The following MYH2 variants were observed in gnomAD, a reference collection of about 807,000 sequenced individuals.
The protein encoded by MYH2 is myosin-2.
In MYH2, 139 loss-of-function variants were observed where a neutral mutation model predicts 228.1. The ratio of observed to expected loss-of-function variants is 0.61; its 90% CI spans 0.53 to 0.70. MYH2 has a LOEUF of 0.70. Ranked by LOEUF, MYH2 falls within the 30% of genes least tolerant of loss-of-function variation. MYH2 has a pLI of 0.00. For missense variants in MYH2, 1,809 were observed against 2,357.5 expected, an observed-to-expected ratio of 0.77 and a Z score of 4.82; for synonymous variants, 796 against 871.1, an observed-to-expected ratio of 0.91 and a Z score of 1.52.
At chr17:10,539,611 C>G in intron 12 of MYH2, 49 bp from the exon 13 acceptor site, 1 of 1,527,852 alleles carries the variant, frequency 6.5e-7, no homozygotes, top group Non-Finnish European at 9.1e-7. Flanking sequence ...CAAAGAAACC[C>G]ACTTCCTTAA....
intron 39 of MYH2, among the ~76,000 whole-genome samples, chr17:10,521,916 A>G (rs2142288644): frequency 6.6e-6 from 1 of 152,348 alleles, no homozygotes; most frequent in Middle Eastern, 3.4e-3. Context: ...GATTCTATTG[A>G]CAGATAACCT....
intron 19 of MYH2, among the ~76,000 whole-genome samples, chr17:10,533,867 A>G (rs973262813): frequency 6.6e-6 from 1 of 152,152 alleles, no homozygotes; most frequent in Admixed American, 6.5e-5. Flanking sequence ...TTCTTAGAAA[A>G]GGGTTCTGCC....
rs371491033 is a variant in MYH2 at position 10,547,454 on chromosome 17, G to A, written c.348+21C>T. 7.4e-6 allele frequency: 12 copies of A among 1,613,776 alleles called. No homozygotes were observed. The African/African-American group carries it at 1.6e-4, about 22-fold the overall frequency. ...GGGTACATGAGGATGATTATACAGA[G>A]CACTGGCAGGGGACACTCACGTAGA... is the stretch of plus-strand genomic sequence containing the variant. On this transcript the variant is annotated intron_variant, in intron 4 of 39. Transcript: ENST00000245503.
At chr17:10,523,005 C>T (rs1239754338) in intron 39 of MYH2, 85 bp downstream of exon 39, 2 of 970,320 alleles carry the variant, frequency 2.1e-6, no homozygotes, top group Non-Finnish European at 3.3e-6. Context: ...ATGCAGTAGT[C>T]TTTAAAGCAA....
At chr17:10,529,786 T>C in intron 23 of MYH2, 46 bp from the exon 24 acceptor site, 2 of 1,614,084 alleles carry the variant, frequency 1.2e-6, no homozygotes, top group Non-Finnish European at 1.7e-6. Flanking sequence ...AGCACCTTTG[T>C]TGGGTGGCAG....
Position 10,535,103 on chromosome 17 carries a change from C to T in MYH2, c.2150G>A (p.Ser717Asn). The T allele has an allele frequency of 6.2e-7, 1 of 1,614,132 alleles. No homozygotes were observed. The highest frequency in any genetic ancestry group is 8.5e-7 in the Non-Finnish European group (1 of 1,180,000). ...GIRICRKGFP[S>N]RILYADFKQR... ...TTTGAAGTCTGCATAAAGGATTCTGCTTGGAAATCCTTTCCTACAGATGCG... is the reference window on the plus strand; with the variant it reads ...TTTGAAGTCTGCATAAAGGATTCTGTTTGGAAATCCTTTCCTACAGATGCG... The change falls in exon 19 of 40, where the codon AGC becomes AAC. Residue 717 changes from serine (S) to asparagine (N), a missense_variant. This residue lies in a region of MYH2 where 276 missense variants were observed against 344.2 expected (regional missense o/e 0.80). Coordinates refer to ENST00000245503, the MANE Select transcript of MYH2 (RefSeq NM_017534.6).
chr17:10,521,538 G>A (rs1422063253), intron 39 of MYH2, 106 bp from the exon 40 acceptor site: 5 of 994,590 alleles, frequency 5.0e-6, no homozygotes, highest in Middle Eastern at 2.2e-4. Flanking sequence ...CAACATCTAG[G>A]GATTATCATT....
At position 10,523,910 on chromosome 17, in the gene MYH2, A is replaced by T. The variant is rs117415453; in HGVS notation, c.5176-26T>A. The T allele has an allele frequency of 0.05, 79,559 of 1,605,994 alleles. 2,375 individuals carry two copies. The highest frequency in any genetic ancestry group is 0.077 in the Middle Eastern group (464 of 6,040). Reference sequence around the variant, plus strand: ...CTGTTTAAAAAGAATTTGTACATTTAAAAAATTGTGTTACCAAAGTATTTA... The same window carrying T: ...CTGTTTAAAAAGAATTTGTACATTTTAAAAATTGTGTTACCAAAGTATTTA... On this transcript the variant is annotated intron_variant, in intron 35 of 39. Coordinates refer to ENST00000245503, the MANE Select transcript of MYH2 (RefSeq NM_017534.6).
At position 10,523,608 on chromosome 17, in the gene MYH2, C is replaced by T. The variant is rs770182875; in HGVS notation, c.5360G>A (p.Arg1787Gln). Residue 1787 changes from arginine (R) to glutamine (Q), a missense_variant, in exon 37 of 40, where the codon CGG (arginine) becomes CAG (glutamine). This residue lies in a region of MYH2 where 278 missense variants were observed against 308.5 expected (regional missense o/e 0.90). Transcript: ENST00000245503. ...GGTCTGCTCCATGTTCTTCTTCATC[C>T]GCTCCAGGTGGGCGCTGGTGTCCTG... is the stretch of plus-strand genomic sequence containing the variant. Reference protein sequence around the residue: ...KEQDTSAHLERMKKNMEQTVK... With the variant: ...KEQDTSAHLEQMKKNMEQTVK... The T allele has an allele frequency of 1.1e-5, 18 of 1,614,096 alleles. No individual in the cohort carries two copies. Among genetic ancestry groups the T allele is most frequent in the Non-Finnish European group, 1.5e-5 (18 of 1,180,048 alleles).
Position 10,524,539 on chromosome 17 carries a change from G to C in MYH2, c.5102C>G (p.Thr1701Arg). Residue 1701 changes from threonine to arginine, a missense_variant, in exon 35 of 40, where the codon ACA becomes AGA. Physicochemically the swap from Thr to Arg is moderately conservative, Grantham distance 71. This residue lies in a region of MYH2 where 278 missense variants were observed against 308.5 expected (regional missense o/e 0.90). Transcript: ENST00000245503. This position sits in a 1 kb window ranked among gnomAD's most constrained non-coding sequence, Gnocchi z 4.7. ...TTCTGCGATTTTTCTGCTCCTCTCTGTCTGTTCCAGAGTGGCCCGCAGCTC... is the reference window on the plus strand; with the variant it reads ...TTCTGCGATTTTTCTGCTCCTCTCTCTCTGTTCCAGAGTGGCCCGCAGCTC... ...IEELRATLEQ[T>R]ERSRKIAEQE... 2 of 1,614,206 alleles carry C rather than the reference G, an allele frequency of 1.2e-6. No individual in the cohort carries two copies. The highest frequency in any genetic ancestry group is 1.3e-5 in the African/African-American group (1 of 75,060).
At chr17:10,521,638 A>G (rs531482135) in intron 39 of MYH2, among the ~76,000 whole-genome samples, 5 of 151,682 alleles carry the variant, frequency 3.3e-5, no homozygotes, top group Non-Finnish European at 5.9e-5. Context: ...TCACATTCCT[A>G]TTTTGGCAAC....
chr17:10,540,717 C>T lies in MYH2; in HGVS notation c.905-20G>A, dbSNP rs1165708007. 4 of 1,525,886 alleles carry T rather than the reference C, an allele frequency of 2.6e-6. No individual in the cohort carries two copies. The highest frequency in any genetic ancestry group is 1.7e-5 in the Admixed American group (1 of 59,824). 94.5% of individuals were successfully genotyped at this position (1,525,886 alleles called of 1,614,324 possible). A position where few individuals can be genotyped will look rare whatever the true frequency, so the allele number is the denominator to read the frequency against. On this transcript the variant is annotated intron_variant, in intron 10 of 39. Coordinates refer to ENST00000245503, the MANE Select transcript of MYH2 (RefSeq NM_017534.6). ...GCATTTCTAAGTACAGGAAACAGAA[C>T]AAAGATAAACATAATTATCTTCTTC... is the stretch of plus-strand genomic sequence containing the variant.
Position 10,537,191 on chromosome 17 carries a change from T to G in MYH2, c.1897+42A>C. The G allele has an allele frequency of 6.2e-7, 1 of 1,611,570 alleles. No homozygotes were observed. Among genetic ancestry groups the G allele is most frequent in the Non-Finnish European group, 8.5e-7 (1 of 1,177,888 alleles). The stretch of plus-strand genomic sequence containing the variant: ...TCACTAGCTTCAATTTAACATCACA[T>G]TTTGTAATACCTAGAGAGTATTATT... On this transcript the variant is annotated intron_variant, in intron 16 of 39. Transcript: ENST00000245503. This position sits in a 1 kb window ranked among gnomAD's most constrained non-coding sequence, Gnocchi z 4.0.
intron 2 of MYH2, 93 bp from the exon 3 acceptor site, chr17:10,548,033 A>G: frequency 9.1e-7 from 1 of 1,094,394 alleles, no homozygotes; most frequent in Non-Finnish European, 1.3e-6. Context: ...GCCCAGTTGG[A>G]AATTCCACTA....
At chr17:10,527,197 A>G (rs771077602) in intron 28 of MYH2, 141 bp from the exon 29 acceptor site, 19 of 745,784 alleles carry the variant, frequency 2.5e-5, no homozygotes, top group Non-Finnish European at 3.9e-5. Flanking sequence ...TTCATGCTCA[A>G]TGCAGGTTTT....
At chr17:10,548,406 T>C (rs2073661535) in intron 2 of MYH2, among the ~76,000 whole-genome samples, 2 of 152,218 alleles carry the variant, frequency 1.3e-5, no homozygotes, top group Admixed American at 6.5e-5. Context: ...CAGGCCACCA[T>C]TTATATATGA....
At chr17:10,541,718 G>A (rs550976687) in intron 10 of MYH2, among the ~76,000 whole-genome samples, 28 of 152,216 alleles carry the variant, frequency 1.8e-4, no homozygotes, top group Non-Finnish European at 1.8e-4. Context: ...AGAATCTGCC[G>A]ACATGTGATG....
chr17:10,528,911 C>A lies in MYH2; in HGVS notation c.3523G>T (p.Ala1175Ser), dbSNP rs1329470757. The A allele has an allele frequency of 6.2e-7, 1 of 1,614,186 alleles. No homozygotes were observed. The highest frequency in any genetic ancestry group is 1.1e-5 in the South Asian group (1 of 91,082). The change falls in exon 27 of 40, where the codon GCT (alanine) becomes TCT (serine). Residue 1175 changes from alanine (A) to serine (S), a missense_variant. Physicochemically the swap from Ala to Ser is moderately conservative, Grantham distance 99 (BLOSUM62 1). Around this residue, in one of 9 missense-constraint regions of MYH2, gnomAD observed 636 missense variants for 729.9 expected, o/e 0.87. Transcript: ENST00000245503. ...AQIEMNKKRE[A>S]EFQKMRRDLE... The stretch of plus-strand genomic sequence containing the variant: ...TCCCTGCGCATTTTCTGGAACTCAG[C>A]CTCCCGCTTCTTGTTCATCTCAATC...
intron 19 of MYH2, 32 bp from the exon 20 acceptor site, chr17:10,533,664 G>C: frequency 6.2e-7 from 1 of 1,610,222 alleles, no homozygotes; most frequent in South Asian, 1.1e-5. Context: ...TTAACAACTA[G>C]TTTACTGATG....
Sources: gnomAD v4.1 joint callset for allele counts (sites outside exome capture counted in the v4.1 genomes callset) on GRCh38, gnomAD v4.1.1 for gene constraint, gnomAD v4.1.1 regional missense constraint, Gnocchi (gnomAD v3.1) non-coding constraint, MANE v1.5 for transcripts, NCBI Gene and HGNC (gene_info 2026-07-23, HGNC 2026-07-21) for gene names.